RAD51: variants seen among roughly 807,000 people sequenced by gnomAD.
RAD51 encodes the protein RAD51 recombinase, also known as DNA repair protein RAD51 homolog 1.
Under a neutral mutation model 41.5 loss-of-function variants are expected in RAD51, and 14 were observed. That is an observed-to-expected ratio of 0.34 (90% confidence interval 0.22 to 0.53). The LOEUF (loss-of-function observed/expected upper bound fraction) is 0.53. Ranked by LOEUF, RAD51 falls within the 20% of genes least tolerant of loss-of-function variation. The probability of loss-of-function intolerance (pLI) is 0.95; values close to 1 mark genes in which losing one functional copy is unlikely to be tolerated. For synonymous variants in RAD51, 136 were observed against 148.6 expected (o/e 0.92, Z 0.62); for missense variants, 234 against 422.0 (o/e 0.55, Z 3.90).
chr15:40,717,632 ATTT>A (rs1896055009), intron 5 of RAD51, among the ~76,000 whole-genome samples: 2 of 151,266 alleles, frequency 1.3e-5, no homozygotes, highest in African/African-American at 4.9e-5. Context: ...CTTTCTACTT[ATTT>A]TTCTGTTTTC....
At chr15:40,722,808 C>T (rs1567050873) in intron 6 of RAD51, among the ~76,000 whole-genome samples, 1 of 152,124 alleles carries the variant, frequency 6.6e-6, no homozygotes, top group Non-Finnish European at 1.5e-5. Context: ...TTAGCTACAA[C>T]ACCAAACACA....
chr15:40,708,535 C>T (rs1895500259), intron 4 of RAD51, among the ~76,000 whole-genome samples: 1 of 151,054 alleles, frequency 6.6e-6, no homozygotes, highest in African/African-American at 2.4e-5. Flanking sequence ...GCCTTATTTG[C>T]AGCTATCTAT....
In RAD51 at chr15:40,727,690, T is replaced by TC. The variant is rs536727301; in HGVS notation, c.531-1020dup. On this transcript the variant is annotated intron_variant, in intron 6 of 9. Coordinates refer to ENST00000267868, the MANE Select transcript of RAD51 (RefSeq NM_002875.5). The stretch of plus-strand genomic sequence containing the variant: ...TTACACCTGTTACATCTTTTTTTTT[T>TC]CACCATACATTCATGATCTAAATAG... Among the ~76,000 whole-genome samples the TC allele has an allele frequency of 4.3e-3, 650 of 152,078 alleles. 2 individuals carry two copies. The highest frequency in any genetic ancestry group is 7.2e-3 in the Non-Finnish European group (489 of 68,000).
rs1459057475 is a variant in RAD51 at position 40,701,216 on chromosome 15, C to T, written c.225+15C>T. The T allele has an allele frequency of 1.2e-6, 2 of 1,613,746 alleles. No individual in the cohort carries two copies. Among genetic ancestry groups the T allele is most frequent in the Non-Finnish European group, 1.7e-6 (2 of 1,179,728 alleles). On this transcript the variant is annotated intron_variant, in intron 3 of 9. Coordinates refer to ENST00000267868, the MANE Select transcript of RAD51 (RefSeq NM_002875.5). ...ATAAAATTCTGGTAAGTACTGCTTACTTAACCTAGGGAGGCATTAGTGGGA... is the reference window on the plus strand; with the variant it reads ...ATAAAATTCTGGTAAGTACTGCTTATTTAACCTAGGGAGGCATTAGTGGGA...
rs746555395 is a variant in RAD51 at position 40,729,625 on chromosome 15, C to T, written c.765C>T (p.Leu255=). The T allele has an allele frequency of 3.7e-5, 60 of 1,613,698 alleles. No individual in the cohort carries two copies. The East Asian group carries it at 5.6e-4, about 15-fold the overall frequency. ...LARFLRMLLR[L]ADEFGVAVVI... is the part of the protein sequence containing the mutation. ...GGTTTCTGCGGATGCTTCTGCGACT[C>T]GCTGATGAGGTAAGTTGTGGGATAG... Residue 255 remains leucine (L), a synonymous_variant, in exon 8 of 10, where the codon CTC becomes CTT. Transcript: ENST00000267868.
At chr15:40,729,372 CAAAAAAAAAAAA>C (rs60375696) in intron 7 of RAD51, 121 bp from the exon 8 acceptor site, 8 of 484,234 alleles carry the variant, frequency 1.7e-5, no homozygotes, top group African/African-American at 3.7e-5. Context: ...GACTCCATCT[CAAAAAAAAAAAA>C]AAAAAAAAAA....
At chr15:40,703,896 G>A (rs1895157102) in intron 3 of RAD51, among the ~76,000 whole-genome samples, 1 of 151,670 alleles carries the variant, frequency 6.6e-6, no homozygotes, top group Non-Finnish European at 1.5e-5. Context: ...GGAAGGTTAG[G>A]TTATGATTTA....
chr15:40,702,132 G>C (rs572709425), intron 3 of RAD51, among the ~76,000 whole-genome samples: 2 of 152,072 alleles, frequency 1.3e-5, no homozygotes, highest in African/African-American at 4.8e-5. Flanking sequence ...TACTGTTAGC[G>C]TTAGATAAAT....
intron 6 of RAD51, 25 bp downstream of exon 6, chr15:40,718,924 A>C (rs745942600): frequency 1.3e-6 from 2 of 1,553,450 alleles, no homozygotes; most frequent in South Asian, 2.2e-5. Context: ...TAGATAAGAG[A>C]GACTATGGCT....
At chr15:40,729,764 T>C in intron 8 of RAD51, 89 bp from the exon 9 acceptor site, 1 of 1,611,012 alleles carries the variant, frequency 6.2e-7, no homozygotes, top group Non-Finnish European at 8.5e-7. Context: ...CATTAGTTAT[T>C]CGTTATTTTG....
chr15:40,716,330 T>C (rs1895982706), intron 5 of RAD51, among the ~76,000 whole-genome samples: 1 of 151,858 alleles, frequency 6.6e-6, no homozygotes, highest in Non-Finnish European at 1.5e-5. Context: ...TTCTGGGAGA[T>C]GGAGAGTGGT....
At position 40,706,303 on chromosome 15, in the gene RAD51, A is replaced by G. The variant is rs1454211108; in HGVS notation, c.343+9A>G. The stretch of plus-strand genomic sequence containing the variant: ...TGACAAACTACTTCAAGGTGTAGTA[A>G]TCCTTTATCCTGTGTTGTGAACTCT... On this transcript the variant is annotated intron_variant, in intron 4 of 9. Transcript: ENST00000267868. The G allele has an allele frequency of 1.3e-6, 2 of 1,574,630 alleles. No individual in the cohort carries two copies. The highest frequency in any genetic ancestry group is 1.3e-5 in the African/African-American group (1 of 74,128).
chr15:40,705,820 A>T (rs1895298203), intron 3 of RAD51, among the ~76,000 whole-genome samples: 2 of 152,028 alleles, frequency 1.3e-5, no homozygotes, highest in Admixed American at 1.3e-4. Context: ...GTTAGCCAGG[A>T]TGGTCTCGAT....
intron 2 of RAD51, 55 bp from the exon 3 acceptor site, chr15:40,701,009 G>C: frequency 1.2e-6 from 2 of 1,609,536 alleles, no homozygotes; most frequent in South Asian, 2.2e-5. Flanking sequence ...CATAACATCT[G>C]TGTTAGATTA....
chr15:40,720,876 C>A (rs571130853), intron 6 of RAD51, among the ~76,000 whole-genome samples: 1 of 152,128 alleles, frequency 6.6e-6, no homozygotes, highest in Non-Finnish European at 1.5e-5. Flanking sequence ...TGGGAAAACT[C>A]AAGATTACTA....
chr15:40,698,201 T>G (rs1052990783), intron 1 of RAD51, among the ~76,000 whole-genome samples: 13 of 151,854 alleles, frequency 8.6e-5, no homozygotes, highest in South Asian at 4.2e-4. Context: ...TTTTTGTTTT[T>G]TTTTTTGAGA....
chr15:40,713,607 ATT>A (rs761493133), intron 5 of RAD51, among the ~76,000 whole-genome samples: 13 of 127,496 alleles, frequency 1.0e-4, no homozygotes, highest in African/African-American at 1.2e-4. Flanking sequence ...AAATGTTACA[ATT>A]TTTTTTTTTT....
intron 4 of RAD51, 71 bp downstream of exon 4, chr15:40,706,365 A>G: frequency 8.2e-7 from 1 of 1,216,324 alleles, no homozygotes; most frequent in Non-Finnish European, 1.2e-6. Context: ...ACAAAACTGA[A>G]ATATTTGTGT....
intron 6 of RAD51, among the ~76,000 whole-genome samples, chr15:40,727,809 T>A (rs979993881): frequency 1.3e-5 from 2 of 152,032 alleles, no homozygotes; most frequent in African/African-American, 4.8e-5. Flanking sequence ...CATGACAGAA[T>A]CGTGAACCTA....
Sources: allele counts gnomAD v4.1 joint callset (sites outside exome capture counted in the v4.1 genomes callset), GRCh38; gene constraint gnomAD v4.1.1; transcripts MANE v1.5; gene names NCBI Gene and HGNC (gene_info 2026-07-23, HGNC 2026-07-21).